The following PLCB1 variants were observed in gnomAD, a reference collection of about 807,000 sequenced individuals.
PLCB1 encodes the protein phospholipase C beta 1, also known as 1-phosphatidylinositol 4,5-bisphosphate phosphodiesterase beta-1.
In PLCB1, 46 loss-of-function variants were observed where a neutral mutation model predicts 161.8. The observed-to-expected ratio is 0.28, with a 90% CI of 0.22 to 0.36. PLCB1 has a LOEUF of 0.36. Among genes scored for constraint, PLCB1 ranks in the 10% least tolerant of loss-of-function variants. The pLI is 1.00. For synonymous variants in PLCB1, 517 were observed against 503.7 expected (o/e 1.03, Z -0.35); for missense variants, 1,016 against 1,472.5 (o/e 0.69, Z 5.07).
At chr20:8,557,760 A>G (rs1422863077) in intron 3 of PLCB1, among the ~76,000 whole-genome samples, 2 of 151,418 alleles carry the variant, frequency 1.3e-5, no homozygotes, top group Non-Finnish European at 2.9e-5. Context: ...TAAAGAAAGA[A>G]ACAACTCCAA....
intron 3 of PLCB1, among the ~76,000 whole-genome samples, chr20:8,514,260 C>T (rs530662071): frequency 2.0e-5 from 3 of 151,364 alleles, no homozygotes; most frequent in East Asian, 2.0e-4. Context: ...GGCAACACGG[C>T]GAAACCCTGT....
At chr20:8,300,547 T>A (rs934684198) in intron 2 of PLCB1, among the ~76,000 whole-genome samples, 9 of 152,198 alleles carry the variant, frequency 5.9e-5, no homozygotes, top group Admixed American at 1.3e-4. Context: ...GGTTTTTTTT[T>A]ATTATTATTA....
At chr20:8,699,663 TTC>T (rs1990656080) in intron 11 of PLCB1, among the ~76,000 whole-genome samples, 1 of 152,202 alleles carries the variant, frequency 6.6e-6, no homozygotes, top group Non-Finnish European at 1.5e-5. Flanking sequence ...ACAGCCAAGT[TTC>T]TGTTTAGACA....
rs1298994513 is a variant in PLCB1, at chr20:8,150,431, T to A, written c.177+60T>A. 1.8e-5 allele frequency: 13 copies of A among 711,800 alleles called. No homozygotes were observed. The South Asian group carries it at 1.9e-4, about 11-fold the overall frequency. 44.1% of individuals were successfully genotyped at this position (711,800 alleles called of 1,614,324 possible). ...AGTCGTTTACTACTTTGAAAAGTATTTATGTATCTTATCTATAGAAGAACA... is the reference window on the plus strand; with the variant it reads ...AGTCGTTTACTACTTTGAAAAGTATATATGTATCTTATCTATAGAAGAACA... On this transcript the variant is annotated intron_variant, in intron 2 of 31. Transcript: ENST00000338037.
At chr20:8,290,588 C>T (rs1186139843) in intron 2 of PLCB1, among the ~76,000 whole-genome samples, 2 of 152,152 alleles carry the variant, frequency 1.3e-5, no homozygotes, top group Non-Finnish European at 2.9e-5. Context: ...GAAAACTCTC[C>T]ATCAAAGAGA....
chr20:8,729,997 G>C (rs1980147730), intron 18 of PLCB1: 1 of 151,892 alleles, frequency 6.6e-6, no homozygotes, highest in Admixed American at 6.6e-5. Context: ...TCATTATTAA[G>C]GTTGAACTTT....
intron 10 of PLCB1, among the ~76,000 whole-genome samples, chr20:8,697,365 A>T (rs530465035): frequency 3.0e-4 from 45 of 152,206 alleles, no homozygotes; most frequent in Non-Finnish European, 5.1e-4. Context: ...AAAAACCTGT[A>T]ATTGGCACAT....
At chr20:8,396,398 T>C (rs1987768985) in intron 3 of PLCB1, among the ~76,000 whole-genome samples, 1 of 152,086 alleles carries the variant, frequency 6.6e-6, no homozygotes, top group Non-Finnish European at 1.5e-5. Context: ...TGGCAAAAAT[T>C]TCATGCACTA....
chr20:8,426,841 C>G (rs1979802380), intron 3 of PLCB1, among the ~76,000 whole-genome samples: 1 of 152,104 alleles, frequency 6.6e-6, no homozygotes, highest in Non-Finnish European at 1.5e-5. Context: ...TACATATAGG[C>G]TGAGTTTTTC....
chr20:8,279,194 AC>A (rs1282382876), intron 2 of PLCB1, among the ~76,000 whole-genome samples: 1 of 152,174 alleles, frequency 6.6e-6, no homozygotes, highest in Non-Finnish European at 1.5e-5. Context: ...TCTAACAAAT[AC>A]TTGTATGCCA....
At chr20:8,806,674 G>C (rs1362301159) in intron 31 of PLCB1, among the ~76,000 whole-genome samples, 2 of 152,168 alleles carry the variant, frequency 1.3e-5, no homozygotes, top group Non-Finnish European at 2.9e-5. Flanking sequence ...AGAGGAGTTA[G>C]AGTACACGTT....
intron 3 of PLCB1, among the ~76,000 whole-genome samples, chr20:8,606,578 T>A (rs1467891941): frequency 6.6e-6 from 1 of 152,208 alleles, no homozygotes; most frequent in East Asian, 1.9e-4. Context: ...GTGCCCTATC[T>A]ACCCAACTCA....
At chr20:8,490,595 T>C (rs942498461) in intron 3 of PLCB1, among the ~76,000 whole-genome samples, 5 of 152,208 alleles carry the variant, frequency 3.3e-5, no homozygotes, top group Non-Finnish European at 7.3e-5. Flanking sequence ...TAGCAGTGTA[T>C]GAGACTTTCA....
At chr20:8,381,948 C>T (rs1340143488) in intron 3 of PLCB1, among the ~76,000 whole-genome samples, 1 of 152,044 alleles carries the variant, frequency 6.6e-6, no homozygotes, top group African/African-American at 2.4e-5. Flanking sequence ...ATGTCTCTAT[C>T]TCCTTCAGGT....
chr20:8,486,115 C>T (rs1982711792), intron 3 of PLCB1, among the ~76,000 whole-genome samples: 1 of 152,160 alleles, frequency 6.6e-6, no homozygotes, highest in Non-Finnish European at 1.5e-5. Context: ...ATGAGAACAG[C>T]AGCATGGTGG....
chr20:8,671,094 T>C (rs1453764529), intron 9 of PLCB1, among the ~76,000 whole-genome samples: 2 of 152,190 alleles, frequency 1.3e-5, no homozygotes, highest in African/African-American at 2.4e-5. Context: ...TCCTGCCTAA[T>C]TGGCATTTGG....
chr20:8,555,535 A>G (rs1985923083), intron 3 of PLCB1, among the ~76,000 whole-genome samples: 1 of 152,022 alleles, frequency 6.6e-6, no homozygotes, highest in Non-Finnish European at 1.5e-5. Context: ...CACACTTTCT[A>G]CTTCCTGTTT....
At chr20:8,403,762 C>T (rs1978666991) in intron 3 of PLCB1, among the ~76,000 whole-genome samples, 2 of 152,080 alleles carry the variant, frequency 1.3e-5, no homozygotes, top group Non-Finnish European at 2.9e-5. Context: ...CCATTGCATT[C>T]CTCAGGGGAA....
At chr20:8,193,905 G>A (rs1469231490) in intron 2 of PLCB1, among the ~76,000 whole-genome samples, 1 of 151,876 alleles carries the variant, frequency 6.6e-6, no homozygotes, top group African/African-American at 2.4e-5. Flanking sequence ...AAGCTATGAG[G>A]GTCTTTCTGC....
Sources: allele counts gnomAD v4.1 joint callset (sites outside exome capture counted in the v4.1 genomes callset), GRCh38; gene constraint gnomAD v4.1.1; transcripts MANE v1.5; gene names NCBI Gene and HGNC (gene_info 2026-07-23, HGNC 2026-07-21).